Variants in KLRG1 observed in about 807,000 individuals in gnomAD.
The protein encoded by KLRG1 is killer cell lectin like receptor G1.
A neutral mutation model predicts 21.8 loss-of-function variants in KLRG1; 16 were observed. The observed-to-expected ratio is 0.73, with a 90% CI of 0.50 to 1.11. The LOEUF is 1.11. Ranked by LOEUF, KLRG1 falls within the 50% of genes most tolerant of loss-of-function variation. KLRG1 has a pLI of 0.00. For synonymous variants in KLRG1, 69 were observed against 75.9 expected, an observed-to-expected ratio of 0.91 and a Z score of 0.47; for missense variants, 173 against 218.3, an observed-to-expected ratio of 0.79 and a Z score of 1.31.
At chr12:9,013,140 T>G (rs1947655302), downstream of KLRG1, among the ~76,000 whole-genome samples, 2 of 152,184 alleles carry the variant, frequency 1.3e-5, no homozygotes. Context: ...AGAGTCACAG[T>G]GTTACTGGGT....
At chr12:9,111,247 A>G in the KLRG1 span, among the ~76,000 whole-genome samples, 11 of 152,316 alleles carry the variant, frequency 7.2e-5, no homozygotes, top group East Asian at 2.1e-3. Flanking sequence ...CACGCACAAA[A>G]GAACAATAAA....
chr12:9,096,551 T>C, the KLRG1 span, among the ~76,000 whole-genome samples: 1 of 152,238 alleles, frequency 6.6e-6, no homozygotes, highest in Non-Finnish European at 1.5e-5. Flanking sequence ...CAGATCTTCA[T>C]ATAATACATA....
the KLRG1 span, among the ~76,000 whole-genome samples, chr12:9,185,053 T>C: frequency 6.6e-6 from 1 of 152,156 alleles, no homozygotes; most frequent in African/African-American, 2.4e-5. Context: ...ACACCAGTTC[T>C]CCAGCAAGGG....
chr12:9,074,651 G>T, the KLRG1 span: 10 of 1,614,012 alleles, frequency 6.2e-6, no homozygotes, highest in Non-Finnish European at 8.5e-6. Context: ...CGAGGTTGGG[G>T]CTGGCTGGGC....
chr12:9,202,757 A>C, the KLRG1 span: 1 of 1,411,148 alleles, frequency 7.1e-7, no homozygotes, highest in Non-Finnish European at 9.7e-7. Context: ...AGTCATTGCT[A>C]TTTCCTATCT....
the KLRG1 span, among the ~76,000 whole-genome samples, chr12:9,127,507 T>A: frequency 6.6e-6 from 1 of 152,154 alleles, no homozygotes; most frequent in Non-Finnish European, 1.5e-5. Flanking sequence ...CTTGAACCGT[T>A]CTCTGCCTCA....
chr12:8,985,132 T>C (rs1222229098), upstream of KLRG1, among the ~76,000 whole-genome samples: 1 of 151,600 alleles, frequency 6.6e-6, no homozygotes, highest in African/African-American at 2.4e-5. Context: ...CTAGTTGTTA[T>C]ATTTATTGTT....
At chr12:9,094,834 A>G in the KLRG1 span, 1 of 411,200 alleles carries the variant, frequency 2.4e-6, no homozygotes, top group Non-Finnish European at 4.2e-6. Flanking sequence ...ATATTACTAT[A>G]TGACCTTGAG....
the KLRG1 span, chr12:9,079,829 G>A: frequency 6.4e-6 from 10 of 1,563,566 alleles, no homozygotes; most frequent in Non-Finnish European, 7.8e-6. Context: ...GAGAATGGGA[G>A]AGATGGGAAG....
the KLRG1 span, chr12:9,196,712 T>C: frequency 6.6e-7 from 1 of 1,521,756 alleles, no homozygotes; most frequent in Non-Finnish European, 9.1e-7. Flanking sequence ...AACCAATAAA[T>C]GTCAAACTGA....
At chr12:9,210,446 G>A in the KLRG1 span, among the ~76,000 whole-genome samples, 1 of 152,110 alleles carries the variant, frequency 6.6e-6, no homozygotes, top group Non-Finnish European at 1.5e-5. Flanking sequence ...ATTTACTAAA[G>A]GCTTTAAAAT....
chr12:9,182,212 A>G, the KLRG1 span: 290 of 1,169,546 alleles, frequency 2.5e-4, no homozygotes, highest in Non-Finnish European at 3.2e-4. Flanking sequence ...GGTCTTATCC[A>G]CTTGAGAACT....
chr12:9,034,048 T>C, the KLRG1 span, among the ~76,000 whole-genome samples: 3 of 152,072 alleles, frequency 2.0e-5, no homozygotes, highest in Non-Finnish European at 4.4e-5. Context: ...TAAAAATCCA[T>C]TGAAGAACCC....
the KLRG1 span, among the ~76,000 whole-genome samples, chr12:9,056,116 C>T: frequency 6.6e-6 from 1 of 152,158 alleles, no homozygotes; most frequent in African/African-American, 2.4e-5. Context: ...CTGCAGGGGA[C>T]ACTGTATTCA....
the KLRG1 span, among the ~76,000 whole-genome samples, chr12:9,016,129 A>G: frequency 2.0e-5 from 3 of 152,142 alleles, no homozygotes; most frequent in Admixed American, 6.6e-5. Context: ...CAAACCCAAA[A>G]TTAGTAGAAG....
chr12:9,195,404 T>TTTCCCC, the KLRG1 span, among the ~76,000 whole-genome samples: 1 of 150,174 alleles, frequency 6.7e-6, no homozygotes, highest in African/African-American at 2.4e-5. Context: ...GGCCCTTCCC[T>TTTCCCC]TTCCCCTTCC....
At chr12:9,039,201 C>T in the KLRG1 span, among the ~76,000 whole-genome samples, 8 of 152,326 alleles carry the variant, frequency 5.3e-5, no homozygotes, top group African/African-American at 9.6e-5. Flanking sequence ...ATCTCTTCGC[C>T]TCCGCGTCTA....
At chr12:9,099,497 G>C in the KLRG1 span, 2 of 1,609,784 alleles carry the variant, frequency 1.2e-6, no homozygotes, top group Non-Finnish European at 1.7e-6. Flanking sequence ...GACTTCACAG[G>C]GATTGAGATG....
the KLRG1 span, chr12:9,203,975 T>C: frequency 1.1e-5 from 18 of 1,578,738 alleles, no homozygotes; most frequent in Non-Finnish European, 1.6e-5. Flanking sequence ...AAGTCTAAAT[T>C]AGAGAAAAAC....
Sources: allele counts gnomAD v4.1 joint callset (sites outside exome capture counted in the v4.1 genomes callset), GRCh38; gene constraint gnomAD v4.1.1; transcripts MANE v1.5; gene names NCBI Gene and HGNC (gene_info 2026-07-23, HGNC 2026-07-21).